The following DDX6 variants were observed in gnomAD, a reference collection of about 807,000 sequenced individuals.
DDX6 encodes the protein probable ATP-dependent RNA helicase DDX6.
A neutral mutation model predicts 60.6 loss-of-function variants in DDX6; 7 were observed. The observed-to-expected ratio is 0.12, with a 90% CI of 0.07 to 0.22. DDX6 has a LOEUF of 0.22. DDX6 is among the 10% of genes least tolerant of loss of function. The pLI, the probability that DDX6 is intolerant of heterozygous loss-of-function variation, is 1.00. For missense variants in DDX6, 270 were observed against 589.9 expected (o/e 0.46, Z 5.62); for synonymous variants, 207 against 201.0 (o/e 1.03, Z -0.25).
chr11:118,763,925 TA>T (rs1861262417), intron 6 of DDX6, among the ~76,000 whole-genome samples: 1 of 152,096 alleles, frequency 6.6e-6, no homozygotes, highest in African/African-American at 2.4e-5. Context: ...AGATGTGTTT[TA>T]GGATAAAGAC....
At chr11:118,764,944 A>C (rs1483349343) in intron 6 of DDX6, among the ~76,000 whole-genome samples, 1 of 152,148 alleles carries the variant, frequency 6.6e-6, no homozygotes, top group African/African-American at 2.4e-5. Flanking sequence ...CCACAAACTC[A>C]CATTATCGTC....
rs575757631 is a variant in DDX6, at chr11:118,747,909, C to CA, written c.*4195_*4196insT. 8.9e-6 allele frequency: 1 copy of CA among 111,886 alleles called. No homozygotes were observed. Among genetic ancestry groups the CA allele is most frequent in the Non-Finnish European group, 2.0e-5 (1 of 51,088 alleles). The allele number at this position is 111,886 out of a possible 1,614,324, so 6.9% of individuals were successfully genotyped here. A position where few individuals can be genotyped will look rare whatever the true frequency, so the allele number is the denominator to read the frequency against. On this transcript the variant is annotated 3_prime_UTR_variant, in exon 14 of 14. Transcript: ENST00000534980. ...ATCCCAACAAAAACAGAGCCCCCCC[C>CA]CCCCCCACTGGAACATCTGCCAATT...
At chr11:118,767,804 T>C (rs1247072264) in intron 5 of DDX6, 1 of 154,030 alleles carries the variant, frequency 6.5e-6, no homozygotes, top group East Asian at 1.9e-4. Flanking sequence ...AGCTAATTTT[T>C]GCATTTTTAG....
At chr11:118,785,021 G>C (rs1027277785) in intron 2 of DDX6, among the ~76,000 whole-genome samples, 1 of 152,186 alleles carries the variant, frequency 6.6e-6, no homozygotes, top group Non-Finnish European at 1.5e-5. Flanking sequence ...GCCCACCTTG[G>C]CCTCCCAATG....
intron 4 of DDX6, among the ~76,000 whole-genome samples, chr11:118,777,552 G>C (rs1555163822): frequency 6.6e-6 from 1 of 151,988 alleles, no homozygotes; most frequent in East Asian, 1.9e-4. Flanking sequence ...GCCAATGCTG[G>C]GCCAGGATAG....
Position 118,749,343 on chromosome 11 carries a change from G to A in DDX6, c.*2762C>T, listed in dbSNP as rs1555156614. ...CAATAGTAACAATGCTTATTATGAGGGCCCAAAAAAGAAAGAAAAAAAAAA... is the reference window on the plus strand; with the variant it reads ...CAATAGTAACAATGCTTATTATGAGAGCCCAAAAAAGAAAGAAAAAAAAAA... On this transcript the variant is annotated 3_prime_UTR_variant, in exon 14 of 14. Transcript: ENST00000534980. The A allele has an allele frequency of 9.1e-6, 1 of 109,338 alleles. No homozygotes were observed. Among genetic ancestry groups the A allele is most frequent in the Non-Finnish European group, 1.8e-5 (1 of 55,874 alleles). The allele number at this position is 109,338 out of a possible 1,614,324, so 6.8% of individuals were successfully genotyped here.
intron 4 of DDX6, among the ~76,000 whole-genome samples, chr11:118,772,071 T>C (rs914490220): frequency 5.3e-5 from 8 of 152,154 alleles, no homozygotes; most frequent in Admixed American, 4.6e-4. Context: ...CTTCATAAGG[T>C]TAAAGCAGGG....
chr11:118,761,875 A>AAC lies in DDX6; in HGVS notation c.741+1336_741+1337insGT, dbSNP rs201829188. Among the ~76,000 whole-genome samples, 914 of 151,784 alleles carry AAC rather than the reference A, an allele frequency of 6.0e-3. 2 individuals carry two copies. Among genetic ancestry groups the AAC allele is most frequent in the African/African-American group, 0.014 (561 of 41,432 alleles). On this transcript the variant is annotated intron_variant, in intron 7 of 13. Coordinates refer to ENST00000534980, the MANE Select transcript of DDX6 (RefSeq NM_004397.6). ...AAAATTAAATGGAAAAAAAAAAAAA[A>AAC]AAACAAACCATGTAAAGCACTTAGT...
rs571114193 is a variant in DDX6, at chr11:118,748,018, G to A, written c.*4087C>T. ...CACTTCTCAGTGGAACTGGTCCCTTGTGGCTAGGGACATTGGAATTCTCTA... is the reference window on the plus strand; with the variant it reads ...CACTTCTCAGTGGAACTGGTCCCTTATGGCTAGGGACATTGGAATTCTCTA... On this transcript the variant is annotated 3_prime_UTR_variant, in exon 14 of 14. Coordinates refer to ENST00000534980, the MANE Select transcript of DDX6 (RefSeq NM_004397.6). 1.6e-4 allele frequency: 24 copies of A among 149,926 alleles called. No individual in the cohort carries two copies. The South Asian group carries it at 3.4e-3, about 21-fold the overall frequency. 9.3% of individuals were successfully genotyped at this position (149,926 alleles called of 1,614,324 possible).
intron 2 of DDX6, among the ~76,000 whole-genome samples, chr11:118,783,896 A>G (rs1311329523): frequency 2.0e-5 from 3 of 150,860 alleles, no homozygotes; most frequent in African/African-American, 4.9e-5. Context: ...TGGGCAGATC[A>G]CTTGAGCTCA....
intron 7 of DDX6, 144 bp from the exon 8 acceptor site, chr11:118,760,188 C>A (rs1591891100): frequency 1.3e-6 from 1 of 793,864 alleles, no homozygotes; most frequent in East Asian, 2.8e-5. Flanking sequence ...CTCTCCAACA[C>A]TGCAGAGAGT....
In DDX6 at chr11:118,752,074, G is replaced by A. The variant is rs1335826009; in HGVS notation, c.*31C>T. On this transcript the variant is annotated 3_prime_UTR_variant, in exon 14 of 14. Transcript: ENST00000534980. ...AAAACGATGTGTCACAGATCCAAAC[G>A]AGCCTTTTGTAATTTGTCAAAGCCT... 2 of 225,800 alleles carry A rather than the reference G, an allele frequency of 8.9e-6. No homozygotes were observed. The highest frequency in any genetic ancestry group is 6.0e-5 in the Admixed American group (1 of 16,676). The allele number at this position is 225,800 out of a possible 1,614,324, so 14.0% of individuals were successfully genotyped here.
chr11:118,784,696 A>T (rs1382395002), intron 2 of DDX6, among the ~76,000 whole-genome samples: 1 of 150,996 alleles, frequency 6.6e-6, no homozygotes, highest in Admixed American at 6.6e-5. Context: ...TGACCTCGTG[A>T]TCTACCTGCC....
intron 12 of DDX6, among the ~76,000 whole-genome samples, 168 bp downstream of exon 12, chr11:118,755,230 TAATA>T (rs1284523477): frequency 3.3e-5 from 5 of 152,218 alleles, no homozygotes; most frequent in Admixed American, 6.5e-5. Context: ...TAACTTTTCT[TAATA>T]AATGCTACAG....
chr11:118,785,069 T>C (rs1023140300), intron 2 of DDX6, among the ~76,000 whole-genome samples: 1 of 152,140 alleles, frequency 6.6e-6, no homozygotes, highest in Non-Finnish European at 1.5e-5. Context: ...CACCCGGACC[T>C]ATATGGCAAG....
chr11:118,781,653 C>T (rs909503868), intron 2 of DDX6, among the ~76,000 whole-genome samples: 11 of 152,168 alleles, frequency 7.2e-5, no homozygotes, highest in African/African-American at 1.9e-4. Flanking sequence ...ACAGGCCAGG[C>T]GTGGTGGCTC....
chr11:118,761,260 TG>T (rs1357784633), intron 7 of DDX6, among the ~76,000 whole-genome samples: 1 of 152,224 alleles, frequency 6.6e-6, no homozygotes, highest in African/African-American at 2.4e-5. Context: ...ACTCTAAAAT[TG>T]TAAAACTATT....
intron 4 of DDX6, among the ~76,000 whole-genome samples, chr11:118,774,282 T>C (rs1174896113): frequency 6.6e-6 from 1 of 152,148 alleles, no homozygotes; most frequent in Non-Finnish European, 1.5e-5. Flanking sequence ...TCTAGGTTCC[T>C]ATAAAGCTAT....
At chr11:118,756,673 CAG>C (rs1339891962) in intron 10 of DDX6, among the ~76,000 whole-genome samples, 2 of 151,994 alleles carry the variant, frequency 1.3e-5, no homozygotes, top group Admixed American at 1.3e-4. Flanking sequence ...TTTAAAAATC[CAG>C]AGCAGTGCTG....
Sources: gnomAD v4.1 joint callset for allele counts (sites outside exome capture counted in the v4.1 genomes callset) on GRCh38, gnomAD v4.1.1 for gene constraint, MANE v1.5 for transcripts, NCBI Gene and HGNC (gene_info 2026-07-23, HGNC 2026-07-21) for gene names.